Variants in LRBA observed in about 807,000 individuals in gnomAD.
LRBA encodes LPS responsive beige-like anchor protein.
A neutral mutation model predicts 330.0 loss-of-function variants in LRBA; 176 were observed. The ratio of observed to expected loss-of-function variants is 0.53; its 90% confidence interval spans 0.47 to 0.60. LRBA has a LOEUF of 0.60. Ranked by LOEUF, LRBA falls within the 20% of genes least tolerant of loss-of-function variation. The pLI, the probability that LRBA is intolerant of heterozygous loss-of-function variation, is 0.00. For missense variants in LRBA, 3,259 were observed against 3,444.8 expected (o/e 0.95, Z 1.35); for synonymous variants, 1,230 against 1,193.0 (o/e 1.03, Z -0.64).
In LRBA at chr4:150,487,781, A is replaced by G. The variant is rs768820309; in HGVS notation, c.6502T>C (p.Tyr2168His). 2.5e-6 allele frequency: 4 copies of G among 1,598,546 alleles called. No individual in the cohort carries two copies. In the African/African-American group the frequency reaches 5.4e-5, roughly 21 times the overall value. ...DPATVKKVVN[Y>H]LPRVGVGTSF... ...GTTCCAACGCCAACACGAGGTAGAT[A>G]GTTAACCACTTTCTTTACTGTTGCA... The change falls in exon 42 of 57, where the codon TAT (tyrosine) becomes CAT (histidine). Residue 2168 changes from tyrosine to histidine, a missense_variant. Coordinates refer to ENST00000651943, the MANE Select transcript of LRBA (RefSeq NM_001364905.1).
At position 150,931,357 on chromosome 4, in the gene LRBA, C is replaced by G. The variant is rs575626406; in HGVS notation, c.217-2292G>C. Among the ~76,000 whole-genome samples the G allele has an allele frequency of 5.2e-4, 78 of 151,164 alleles. 1 individual carries two copies. The South Asian group carries it at 0.014, about 28-fold the overall frequency. On this transcript the variant is annotated intron_variant, in intron 2 of 56. Transcript: ENST00000651943. ...CTTATTATTAATAATGCTTGGCTGA[C>G]GGTGGTGGTTATTGTTATTATAAGT...
chr4:150,491,673 G>C (rs1240093317), intron 40 of LRBA, among the ~76,000 whole-genome samples: 1 of 152,086 alleles, frequency 6.6e-6, no homozygotes, highest in Admixed American at 6.6e-5. Context: ...GTGGTTGTCA[G>C]AGTAACTTGT....
intron 40 of LRBA, among the ~76,000 whole-genome samples, chr4:150,540,998 C>T (rs933176983): frequency 6.6e-6 from 1 of 152,096 alleles, no homozygotes; most frequent in Non-Finnish European, 1.5e-5. Flanking sequence ...TTTATCAGTT[C>T]TAGGAAAATT....
chr4:150,356,411 A>G (rs1350781805), intron 47 of LRBA, among the ~76,000 whole-genome samples: 1 of 152,046 alleles, frequency 6.6e-6, no homozygotes, highest in Non-Finnish European at 1.5e-5. Flanking sequence ...AAGATGCATT[A>G]ACTCCTTAAA....
intron 30 of LRBA, among the ~76,000 whole-genome samples, chr4:150,821,339 G>A (rs995879548): frequency 2.0e-5 from 3 of 151,886 alleles, no homozygotes; most frequent in Admixed American, 6.6e-5. Context: ...GTGGGGCACC[G>A]TGCTTAAGAA....
At chr4:150,916,001 CCT>C (rs1732543445) in intron 7 of LRBA, among the ~76,000 whole-genome samples, 1 of 152,064 alleles carries the variant, frequency 6.6e-6, no homozygotes. Flanking sequence ...ACAAACACCC[CCT>C]TTTTCCACCA....
At chr4:150,609,225 T>A (rs1774983903) in intron 37 of LRBA, among the ~76,000 whole-genome samples, 1 of 152,218 alleles carries the variant, frequency 6.6e-6, no homozygotes, top group African/African-American at 2.4e-5. Flanking sequence ...AGCGATTGGT[T>A]CAGGAATCCA....
chr4:150,519,616 A>C (rs1471016263), intron 40 of LRBA, among the ~76,000 whole-genome samples: 1 of 152,204 alleles, frequency 6.6e-6, no homozygotes, highest in African/African-American at 2.4e-5. Flanking sequence ...CCCTTCATTT[A>C]ACATTCAAGT....
chr4:150,487,416 T>C (rs570455235), intron 42 of LRBA, among the ~76,000 whole-genome samples: 15 of 151,574 alleles, frequency 9.9e-5, no homozygotes, highest in South Asian at 8.3e-4. Flanking sequence ...GGTTAGGCAA[T>C]CTTTTATTTA....
intron 40 of LRBA, among the ~76,000 whole-genome samples, chr4:150,512,998 A>T (rs1484932684): frequency 6.6e-6 from 1 of 152,242 alleles, no homozygotes; most frequent in Non-Finnish European, 1.5e-5. Flanking sequence ...TATGTTAAGT[A>T]TAGGTAAGGA....
intron 56 of LRBA, among the ~76,000 whole-genome samples, chr4:150,266,955 C>A (rs1335498086): frequency 1.3e-5 from 2 of 152,062 alleles, no homozygotes; most frequent in Non-Finnish European, 2.9e-5. Context: ...AAAACTGTTA[C>A]AAGAGACAAA....
At chr4:150,513,140 C>T (rs1319505181) in intron 40 of LRBA, among the ~76,000 whole-genome samples, 1 of 152,158 alleles carries the variant, frequency 6.6e-6, no homozygotes, top group African/African-American at 2.4e-5. Flanking sequence ...AAAAAAAGTG[C>T]TATTTACAGA....
intron 34 of LRBA, among the ~76,000 whole-genome samples, chr4:150,786,078 A>C (rs979500152): frequency 1.3e-5 from 2 of 152,192 alleles, no homozygotes; most frequent in Non-Finnish European, 2.9e-5. Flanking sequence ...CCACCAGGTT[A>C]GGAGGATGAG....
At chr4:150,387,183 A>T (rs2151900888) in intron 47 of LRBA, among the ~76,000 whole-genome samples, 1 of 151,682 alleles carries the variant, frequency 6.6e-6, no homozygotes, top group Admixed American at 6.6e-5. Flanking sequence ...GATTGCAAAA[A>T]TTTTCCCCCA....
At chr4:150,770,993 A>G (rs1220927390) in intron 34 of LRBA, among the ~76,000 whole-genome samples, 2 of 152,202 alleles carry the variant, frequency 1.3e-5, no homozygotes, top group East Asian at 3.8e-4. Flanking sequence ...TACTCTTAGC[A>G]TGATAACTCC....
At chr4:150,276,958 T>C (rs1258059905) in intron 56 of LRBA, among the ~76,000 whole-genome samples, 2 of 152,204 alleles carry the variant, frequency 1.3e-5, no homozygotes, top group African/African-American at 4.8e-5. Flanking sequence ...CATTCTAGTA[T>C]AAAGACACAT....
At chr4:150,386,815 C>T (rs545744067) in intron 47 of LRBA, among the ~76,000 whole-genome samples, 40 of 152,182 alleles carry the variant, frequency 2.6e-4, no homozygotes, top group African/African-American at 9.6e-4. Flanking sequence ...GGTGTGTCTG[C>T]CTCTAGGTCT....
chr4:150,563,564 T>A (rs1768670948), intron 40 of LRBA, among the ~76,000 whole-genome samples: 1 of 152,124 alleles, frequency 6.6e-6, no homozygotes, highest in Non-Finnish European at 1.5e-5. Flanking sequence ...AAATAAAGCG[T>A]ATTCGAATAG....
chr4:150,296,649 G>A (rs950406509), intron 53 of LRBA, among the ~76,000 whole-genome samples: 1 of 151,588 alleles, frequency 6.6e-6, no homozygotes, highest in Non-Finnish European at 1.5e-5. Context: ...AAAAAATAGG[G>A]TTTAACTGTT....
Sources: gnomAD v4.1 joint callset for allele counts (sites outside exome capture counted in the v4.1 genomes callset) on GRCh38, gnomAD v4.1.1 for gene constraint, MANE v1.5 for transcripts, NCBI Gene and HGNC (gene_info 2026-07-23, HGNC 2026-07-21) for gene names.